The following ZNF37A variants were observed in gnomAD, a reference collection of about 807,000 sequenced individuals.
ZNF37A encodes zinc finger protein 37A.
ZNF37A carries 10 observed loss-of-function variants against 12.3 expected under a neutral mutation model. The observed-to-expected ratio is 0.82, with a 90% confidence interval of 0.50 to 1.38. The LOEUF (loss-of-function observed/expected upper bound fraction) is 1.38, where lower values mean the gene tolerates loss of function less well. ZNF37A is among the 40% of genes most tolerant of loss of function. The pLI is 0.00. For missense variants in ZNF37A, 580 were observed against 651.2 expected (o/e 0.89, Z 1.19); for synonymous variants, 207 against 223.0 (o/e 0.93, Z 0.64).
chr10:38,105,058 T>G (rs184620940), intron 5 of ZNF37A, among the ~76,000 whole-genome samples: 19 of 151,476 alleles, frequency 1.3e-4, no homozygotes, highest in Admixed American at 1.2e-3. Context: ...CAGGCTGGAA[T>G]GCAATGGCAT....
intron 5 of ZNF37A, among the ~76,000 whole-genome samples, chr10:38,110,645 A>T (rs1285748856): frequency 6.6e-6 from 1 of 152,210 alleles, no homozygotes; most frequent in Non-Finnish European, 1.5e-5. Context: ...ACAAGAAAAA[A>T]ACAACCCCAT....
At chr10:38,133,026 T>G (rs544029701) in intron 7 of ZNF37A, among the ~76,000 whole-genome samples, 42 of 152,256 alleles carry the variant, frequency 2.8e-4, no homozygotes, top group African/African-American at 1.0e-3. Flanking sequence ...CTCCTTTATC[T>G]CTTTTAAACT....
intron 7 of ZNF37A, among the ~76,000 whole-genome samples, chr10:38,131,591 C>T (rs964584593): frequency 6.6e-6 from 1 of 152,128 alleles, no homozygotes; most frequent in Non-Finnish European, 1.5e-5. Context: ...GTTTCAAAGT[C>T]AGGAAGTAGG....
downstream of ZNF37A, among the ~76,000 whole-genome samples, chr10:38,126,307 T>C (rs1319606217): frequency 6.6e-6 from 1 of 152,178 alleles, no homozygotes; most frequent in Non-Finnish European, 1.5e-5. Flanking sequence ...TTCTCTCTCA[T>C]TCCTGTTTTC....
In ZNF37A at chr10:38,112,740, CTTTTCTTT is replaced by C. The variant is rs1564931806; in HGVS notation, c.16-2013_16-2006del. On this transcript the variant is annotated intron_variant, in intron 5 of 7. Transcript: ENST00000685332. ...CTGTATTTTACATCCATTTTCTTTTCTTTTCTTTTCTTTTCTTTTCTTTTCTTTTCTTT... is the reference window on the plus strand; with the variant it reads ...CTGTATTTTACATCCATTTTCTTTTCTCTTTTCTTTTCTTTTCTTTTCTTT... Among the ~76,000 whole-genome samples, 31 of 22,346 alleles carry C rather than the reference CTTTTCTTT, an allele frequency of 1.4e-3. 2 individuals are homozygous for C. The highest frequency in any genetic ancestry group is 2.2e-3 in the African/African-American group (11 of 5,068). The allele number at this position is 22,346 out of a possible 152,430, so 14.7% of individuals were successfully genotyped here.
At chr10:38,129,607 C>T (rs560077010), downstream of ZNF37A, among the ~76,000 whole-genome samples, 6 of 152,238 alleles carry the variant, frequency 3.9e-5, no homozygotes, top group South Asian at 1.2e-3. Context: ...TTTACTTTCT[C>T]AATAAACTTG....
At chr10:38,114,727 C>T (rs1180310850) in intron 5 of ZNF37A, 28 bp from the exon 6 acceptor site, 1 of 1,613,954 alleles carries the variant, frequency 6.2e-7, no homozygotes, top group Admixed American at 1.7e-5. Flanking sequence ...CTTATCACTT[C>T]AGACTGAGCA....
chr10:38,116,954 T>A (rs2069314240), intron 7 of ZNF37A, among the ~76,000 whole-genome samples: 1 of 151,962 alleles, frequency 6.6e-6, no homozygotes, highest in Non-Finnish European at 1.5e-5. Context: ...ACTAAAAACA[T>A]AAAAACTAGC....
chr10:38,135,996 T>A (rs761265264), intron 7 of ZNF37A, among the ~76,000 whole-genome samples: 10 of 152,236 alleles, frequency 6.6e-5, no homozygotes, highest in Non-Finnish European at 1.3e-4. Context: ...TGAAGGAATC[T>A]CTTTAGCATA....
At chr10:38,140,948 C>G (rs566401925) in intron 7 of ZNF37A, 1 of 152,276 alleles carries the variant, frequency 6.6e-6, no homozygotes, top group African/African-American at 2.4e-5. Flanking sequence ...AGAGACTAAT[C>G]TTTCCCATGG....
intron 7 of ZNF37A, chr10:38,137,459 C>A (rs529518022): frequency 6.6e-6 from 1 of 152,284 alleles, no homozygotes; most frequent in South Asian, 2.1e-4. Flanking sequence ...ACAGGTGTAT[C>A]CCTTTTGAAT....
intron 7 of ZNF37A, among the ~76,000 whole-genome samples, chr10:38,134,952 T>G (rs1011415118): frequency 4.6e-5 from 7 of 152,256 alleles, no homozygotes; most frequent in African/African-American, 1.7e-4. Context: ...AATTTTTTGT[T>G]ATGAAACTTT....
chr10:38,112,930 C>G lies in ZNF37A; in HGVS notation c.16-1825C>G, dbSNP rs1191290855. Among the ~76,000 whole-genome samples the G allele has an allele frequency of 3.9e-5, 6 of 152,004 alleles. No individual in the cohort carries two copies. In the South Asian group the frequency reaches 1.0e-3, roughly 26 times the overall value. On this transcript the variant is annotated intron_variant, in intron 5 of 7. Transcript: ENST00000685332. ...TCAAGTGATTCTCCTGTCTCAGCCT[C>G]CCGAGTAGCTGGGATTACAGGTGCC... is the stretch of plus-strand genomic sequence containing the variant.
At position 38,120,766 on chromosome 10, in the gene ZNF37A, G is replaced by T. The variant is rs1391434311; in HGVS notation, c.*1929G>T. 1 of 152,206 alleles carries T rather than the reference G, an allele frequency of 6.6e-6. No homozygotes were observed. The highest frequency in any genetic ancestry group is 2.4e-5 in the African/African-American group (1 of 41,424). 9.4% of individuals were successfully genotyped at this position (152,206 alleles called of 1,614,324 possible). A position where few individuals can be genotyped will look rare whatever the true frequency, so the allele number is the denominator to read the frequency against. ...CAATCAAGACTGCAATGAAAAAAAT[G>T]GATACATTAGGAGCTTCAAACACAT... On this transcript the variant is annotated 3_prime_UTR_variant, in exon 8 of 8. Transcript: ENST00000685332.
rs560360317 is a variant in ZNF37A, at chr10:38,113,654, C to G, written c.16-1101C>G. On this transcript the variant is annotated intron_variant, in intron 5 of 7. Coordinates refer to ENST00000685332, the MANE Select transcript of ZNF37A (RefSeq NM_001324250.3). ...AGGCCCTCTGGAAGTAGCCCTTCCT[C>G]TCTTCCTTTGCTTAGTGAATTCCCT... Among the ~76,000 whole-genome samples, 4 of 152,320 alleles carry G rather than the reference C, an allele frequency of 2.6e-5. No individual in the cohort carries two copies. The South Asian group carries it at 6.2e-4, about 24-fold the overall frequency.
chr10:38,112,751 T>TCGGTCTCGGTCTCGGTCTCGGTC (rs1564931966), intron 5 of ZNF37A, among the ~76,000 whole-genome samples: 3 of 48,516 alleles, frequency 6.2e-5, no homozygotes, highest in African/African-American at 8.0e-5. Flanking sequence ...TTTTCTTTTC[T>TCGGTCTCGGTCTCGGTCTCGGTC]TTTCTTTTCT....
rs767102028 is a variant in ZNF37A at position 38,118,323 on chromosome 10, C to A, written c.1172C>A (p.Ala391Asp). 5.0e-6 allele frequency: 8 copies of A among 1,613,662 alleles called. No homozygotes were observed. Among genetic ancestry groups the A allele is most frequent in the African/African-American group, 4.0e-5 (3 of 74,828 alleles). Reference sequence around the variant, plus strand: ...TATGAATGCTATGCATGTGGGAAAGCCTTTCTCAGAAAATCAGACCTCATT... The same window carrying A: ...TATGAATGCTATGCATGTGGGAAAGACTTTCTCAGAAAATCAGACCTCATT... ...KPYECYACGKAFLRKSDLIKH... is the reference protein window; with the variant it reads ...KPYECYACGKDFLRKSDLIKH... Residue 391 changes from alanine (A) to aspartate (D), a missense_variant, in exon 8 of 8, where the codon GCC (alanine) becomes GAC (aspartate). Physicochemically the swap from Ala to Asp is moderately radical, Grantham distance 126. Transcript: ENST00000685332.
At chr10:38,127,626 T>C (rs1301342216), downstream of ZNF37A, among the ~76,000 whole-genome samples, 2 of 152,138 alleles carry the variant, frequency 1.3e-5, no homozygotes, top group African/African-American at 2.4e-5. Flanking sequence ...GCTCTCCCAC[T>C]TCCTCCTACA....
chr10:38,140,456 A>G (rs1045993283), intron 7 of ZNF37A: 1 of 152,242 alleles, frequency 6.6e-6, no homozygotes, highest in Non-Finnish European at 1.5e-5. Context: ...GGAAGTTATA[A>G]GTTAGAAAGG....
Sources: gnomAD v4.1 joint callset for allele counts (sites outside exome capture counted in the v4.1 genomes callset) on GRCh38, gnomAD v4.1.1 for gene constraint, MANE v1.5 for transcripts, NCBI Gene and HGNC (gene_info 2026-07-23, HGNC 2026-07-21) for gene names.